Variants in FIGN observed in about 807,000 individuals in gnomAD.
FIGN encodes the protein fidgetin.
In FIGN, 11 loss-of-function variants were observed where a neutral mutation model predicts 51.3. That is an observed-to-expected ratio of 0.21 (90% CI 0.13 to 0.35). The LOEUF is 0.35. FIGN is among the 10% of genes least tolerant of loss of function. FIGN has a pLI of 1.00. For synonymous variants in FIGN, 407 were observed against 363.2 expected, an observed-to-expected ratio of 1.12 and a Z score of -1.37; for missense variants, 857 against 943.6, an observed-to-expected ratio of 0.91 and a Z score of 1.20.
rs1294520073 is a variant in FIGN, at chr2:163,648,965, TA to T, written c.26-37160del. On this transcript the variant is annotated intron_variant, in intron 2 of 2. Transcript: ENST00000333129. ...GTCATAACACCAAATTGGTACACTT[TA>T]ATTTTTTAAAACAAATCCTATATAA... 3.3e-5 allele frequency among the ~76,000 whole-genome samples: 5 copies of T among 152,158 alleles called. No homozygotes were observed. In the South Asian group the frequency reaches 8.3e-4, roughly 25 times the overall value.
chr2:163,704,483 T>G (rs1022717218), intron 2 of FIGN, among the ~76,000 whole-genome samples: 2 of 152,078 alleles, frequency 1.3e-5, no homozygotes, highest in Admixed American at 1.3e-4. Flanking sequence ...AGGCACTGCG[T>G]GGGCTTTGGT....
At chr2:163,714,018 G>A (rs16848830) in intron 2 of FIGN, among the ~76,000 whole-genome samples, 12 of 152,072 alleles carry the variant, frequency 7.9e-5, no homozygotes, top group Non-Finnish European at 1.3e-4. Flanking sequence ...TGGTCAGCTC[G>A]GGCACTTGCA....
At chr2:163,721,939 T>G (rs1022746019) in intron 2 of FIGN, among the ~76,000 whole-genome samples, 1 of 152,178 alleles carries the variant, frequency 6.6e-6, no homozygotes, top group Non-Finnish European at 1.5e-5. Flanking sequence ...GAAATATAAA[T>G]CTTGTCAAAT....
At chr2:163,641,026 G>A (rs1310574284) in intron 2 of FIGN, among the ~76,000 whole-genome samples, 1 of 152,154 alleles carries the variant, frequency 6.6e-6, no homozygotes, top group Admixed American at 6.5e-5. Context: ...CTCTGTCAGA[G>A]GCAGCTGATT....
chr2:163,689,461 C>T (rs1311916284), intron 2 of FIGN, among the ~76,000 whole-genome samples: 1 of 152,038 alleles, frequency 6.6e-6, no homozygotes, highest in Admixed American at 6.6e-5. Context: ...TCAGGCATGC[C>T]TTAGACAATC....
chr2:163,628,541 G>T (rs961368533), intron 2 of FIGN, among the ~76,000 whole-genome samples: 1 of 152,152 alleles, frequency 6.6e-6, no homozygotes, highest in African/African-American at 2.4e-5. Flanking sequence ...AACATAAAGT[G>T]CTGCTCTGAT....
At chr2:163,660,877 A>ATTTT (rs1559012631) in intron 2 of FIGN, among the ~76,000 whole-genome samples, 1 of 25,158 alleles carries the variant, frequency 4.0e-5, no homozygotes, top group Non-Finnish European at 6.4e-5. Context: ...ATATATATAT[A>ATTTT]TATTTTTTTT....
rs936488482 is a variant in FIGN at position 163,649,661 on chromosome 2, C to T, written c.26-37855G>A. On this transcript the variant is annotated intron_variant, in intron 2 of 2. Coordinates refer to ENST00000333129, the MANE Select transcript of FIGN (RefSeq NM_018086.4). ...GAGGAATTGCTCATGTGCACCTAGT[C>T]AAGGCAAATAATCATGAGAAATTAT... is the stretch of plus-strand genomic sequence containing the variant. Among the ~76,000 whole-genome samples, 9 of 152,084 alleles carry T rather than the reference C, an allele frequency of 5.9e-5. 1 individual carries two copies.
intron 2 of FIGN, among the ~76,000 whole-genome samples, chr2:163,732,048 T>A (rs569883032): frequency 6.6e-6 from 1 of 152,304 alleles, no homozygotes; most frequent in South Asian, 2.1e-4. Flanking sequence ...TTTCCTATCT[T>A]TGCCTCCCAA....
chr2:163,625,908 CA>C (rs906813497), intron 2 of FIGN, among the ~76,000 whole-genome samples: 17 of 151,962 alleles, frequency 1.1e-4, no homozygotes, highest in African/African-American at 3.9e-4. Flanking sequence ...TAAAGAGAAT[CA>C]ATAAATGAAA....
chr2:163,703,587 T>C (rs2105352023), intron 2 of FIGN, among the ~76,000 whole-genome samples: 1 of 152,220 alleles, frequency 6.6e-6, no homozygotes, highest in South Asian at 2.1e-4. Context: ...CAGGTAAATA[T>C]GTCTTCTCCT....
At chr2:163,709,179 C>A (rs1219412684) in intron 2 of FIGN, among the ~76,000 whole-genome samples, 1 of 152,056 alleles carries the variant, frequency 6.6e-6, no homozygotes, top group Non-Finnish European at 1.5e-5. Context: ...CATCACCTTG[C>A]AGTAAGGAGT....
chr2:163,660,345 CCTTCT>C lies in FIGN; in HGVS notation c.26-48544_26-48540del, dbSNP rs746386079. ...GCACCTTGTAAGAGCTCCTTTACTT[CCTTCT>C]CATTGATGGTATCTGATCTAATAGG... On this transcript the variant is annotated intron_variant, in intron 2 of 2. Coordinates refer to ENST00000333129, the MANE Select transcript of FIGN (RefSeq NM_018086.4). 2.7e-4 allele frequency among the ~76,000 whole-genome samples: 41 copies of C among 152,140 alleles called. No individual in the cohort carries two copies. In the Middle Eastern group the frequency reaches 0.01, roughly 38 times the overall value.
At chr2:163,734,463 T>G (rs1684982906) in intron 2 of FIGN, among the ~76,000 whole-genome samples, 2 of 151,210 alleles carry the variant, frequency 1.3e-5, no homozygotes, top group Non-Finnish European at 2.9e-5. Flanking sequence ...CCAGTCCTGT[T>G]CCTGTGTGTG....
chr2:163,642,873 TGAAA>T lies in FIGN; in HGVS notation c.26-31071_26-31068del, dbSNP rs1365955768. Among the ~76,000 whole-genome samples the T allele has an allele frequency of 9.2e-5, 14 of 152,250 alleles. No homozygotes were observed. In the East Asian group the frequency reaches 2.7e-3, roughly 29 times the overall value. On this transcript the variant is annotated intron_variant, in intron 2 of 2. Transcript: ENST00000333129. ...TACTCTGAAAACTACAAAATGTTAT[TGAAA>T]GAAATTAAAGATCAAAATAAATGGA...
At chr2:163,726,203 A>G (rs1281863235) in intron 2 of FIGN, among the ~76,000 whole-genome samples, 1 of 152,054 alleles carries the variant, frequency 6.6e-6, no homozygotes, top group East Asian at 1.9e-4. Flanking sequence ...CAGGGTCCCA[A>G]TGTCTACATT....
intron 2 of FIGN, among the ~76,000 whole-genome samples, chr2:163,669,819 C>G (rs562840570): frequency 1.8e-4 from 27 of 152,182 alleles, no homozygotes; most frequent in African/African-American, 6.0e-4. Flanking sequence ...CAATAAAATT[C>G]TTTATTCTCT....
At chr2:163,649,314 A>G (rs969224523) in intron 2 of FIGN, among the ~76,000 whole-genome samples, 11 of 152,254 alleles carry the variant, frequency 7.2e-5, no homozygotes, top group Non-Finnish European at 1.3e-4. Context: ...AGACCCTGTT[A>G]TTCCCTTTCC....
intron 2 of FIGN, among the ~76,000 whole-genome samples, chr2:163,619,709 T>A (rs1038270788): frequency 2.0e-5 from 3 of 152,162 alleles, no homozygotes; most frequent in Non-Finnish European, 4.4e-5. Flanking sequence ...ATATCATTTT[T>A]AGACCACTGA....
Sources: gnomAD v4.1 joint callset for allele counts (sites outside exome capture counted in the v4.1 genomes callset) on GRCh38, gnomAD v4.1.1 for gene constraint, MANE v1.5 for transcripts, NCBI Gene and HGNC (gene_info 2026-07-23, HGNC 2026-07-21) for gene names.